The following OSBPL10 variants were observed in gnomAD, a reference collection of about 807,000 sequenced individuals.
The protein encoded by OSBPL10 is oxysterol-binding protein-related protein 10.
Under a neutral mutation model 81.7 loss-of-function variants are expected in OSBPL10, and 49 were observed. The observed-to-expected ratio is 0.60, with a 90% CI of 0.48 to 0.76. The LOEUF (loss-of-function observed/expected upper bound fraction) is 0.76, where lower values mean the gene tolerates loss of function less well. Among genes scored for constraint, OSBPL10 ranks in the 30% least tolerant of loss-of-function variants. The pLI is 0.00. For synonymous variants in OSBPL10, 419 were observed against 383.6 expected (o/e 1.09, Z -1.08); for missense variants, 923 against 987.8 (o/e 0.93, Z 0.88).
intron 4 of OSBPL10, among the ~76,000 whole-genome samples, chr3:31,812,779 A>G (rs992273849): frequency 1.8e-5 from 1 of 54,308 alleles, no homozygotes; most frequent in Non-Finnish European, 3.4e-5. Context: ...AGAAAGAAAG[A>G]AAGAAAGAAA....
At chr3:31,802,766 A>AAG (rs1182200870) in intron 4 of OSBPL10, among the ~76,000 whole-genome samples, 1 of 152,034 alleles carries the variant, frequency 6.6e-6, no homozygotes, top group Non-Finnish European at 1.5e-5. Context: ...AGTGAAATCC[A>AAG]TTAAAAACAA....
intron 2 of OSBPL10, among the ~76,000 whole-genome samples, chr3:32,042,495 G>T (rs1403266864): frequency 6.6e-6 from 1 of 152,174 alleles, no homozygotes; most frequent in Admixed American, 6.5e-5. Flanking sequence ...TCCATGGTCA[G>T]AATGGATCCC....
At chr3:31,857,359 G>A (rs547607569) in intron 3 of OSBPL10, among the ~76,000 whole-genome samples, 1 of 152,172 alleles carries the variant, frequency 6.6e-6, no homozygotes, top group South Asian at 2.1e-4. Context: ...GCAAGAAGAG[G>A]AGCCTAATCT....
intron 3 of OSBPL10, among the ~76,000 whole-genome samples, chr3:31,837,364 TATATATATATAG>T (rs1700383994): frequency 6.6e-5 from 2 of 30,288 alleles, no homozygotes; most frequent in Admixed American, 4.8e-4. Context: ...TATATATATA[TATATATATATAG>T]TAAGTAACAT....
chr3:31,952,637 G>A (rs972628806), intron 1 of OSBPL10, among the ~76,000 whole-genome samples: 2 of 152,188 alleles, frequency 1.3e-5, no homozygotes, highest in Non-Finnish European at 2.9e-5. Context: ...CACACGAAAG[G>A]ATCAGAGGGA....
chr3:32,026,072 TAGATAGATAGATAGATAGATGATA>T (rs1559551477), intron 2 of OSBPL10, among the ~76,000 whole-genome samples: 2 of 105,906 alleles, frequency 1.9e-5, no homozygotes, highest in African/African-American at 5.8e-5. Flanking sequence ...GATAGATAGA[TAGATAGATAGATAGATAGATGATA>T]GATAGATAGA....
chr3:31,739,465 T>C (rs1233067870), intron 5 of OSBPL10, among the ~76,000 whole-genome samples: 3 of 152,086 alleles, frequency 2.0e-5, no homozygotes, highest in Non-Finnish European at 2.9e-5. Flanking sequence ...AATGTGACCA[T>C]ATTTTGAAAA....
intron 2 of OSBPL10, among the ~76,000 whole-genome samples, chr3:32,037,268 T>C (rs1381375675): frequency 1.3e-5 from 2 of 152,214 alleles, no homozygotes; most frequent in African/African-American, 4.8e-5. Context: ...CTGCAGAAGC[T>C]TTCATTTGTT....
chr3:31,776,245 G>GTGCA (rs1271627165), intron 4 of OSBPL10, among the ~76,000 whole-genome samples: 3 of 152,164 alleles, frequency 2.0e-5, no homozygotes, highest in African/African-American at 7.2e-5. Flanking sequence ...CATGAGGGAT[G>GTGCA]TGCAAATCAA....
At chr3:31,875,438 C>T (rs1379933249) in intron 3 of OSBPL10, among the ~76,000 whole-genome samples, 6 of 151,666 alleles carry the variant, frequency 4.0e-5, no homozygotes, top group Non-Finnish European at 8.8e-5. Flanking sequence ...GGGGAAAATG[C>T]TTTAGAATGA....
At chr3:31,685,638 A>G (rs1204753891) in intron 7 of OSBPL10, among the ~76,000 whole-genome samples, 3 of 152,164 alleles carry the variant, frequency 2.0e-5, no homozygotes, top group Admixed American at 6.5e-5. Context: ...CGAGTTGACC[A>G]ATACCATGGG....
intron 4 of OSBPL10, among the ~76,000 whole-genome samples, chr3:31,772,411 G>C (rs1267932791): frequency 1.3e-5 from 2 of 152,234 alleles, no homozygotes; most frequent in Non-Finnish European, 2.9e-5. Flanking sequence ...GGAAATGTAT[G>C]TGTGGGTGTT....
intron 5 of OSBPL10, among the ~76,000 whole-genome samples, chr3:31,737,021 A>T (rs1015105317): frequency 6.6e-5 from 10 of 152,330 alleles, no homozygotes; most frequent in South Asian, 2.1e-4. Context: ...TTATCCAGAT[A>T]TGGCAACTTA....
intron 3 of OSBPL10, among the ~76,000 whole-genome samples, chr3:31,850,181 A>G (rs1700729155): frequency 6.6e-6 from 1 of 152,018 alleles, no homozygotes; most frequent in Non-Finnish European, 1.5e-5. Context: ...AAAAAAATTA[A>G]AAACTAGCTG....
intron 3 of OSBPL10, among the ~76,000 whole-genome samples, chr3:31,855,724 T>C (rs1700893807): frequency 6.6e-6 from 1 of 152,124 alleles, no homozygotes; most frequent in Non-Finnish European, 1.5e-5. Flanking sequence ...AAGCCTTTCC[T>C]CCAATGTTAG....
intron 4 of OSBPL10, chr3:31,795,835 A>C (rs1699198851): frequency 8.1e-6 from 2 of 247,676 alleles, no homozygotes; most frequent in Non-Finnish European, 9.0e-6. Flanking sequence ...GAGAGTTCAC[A>C]CTGGAGAAAG....
At chr3:31,688,350 T>A (rs1425795767) in intron 7 of OSBPL10, among the ~76,000 whole-genome samples, 1 of 150,562 alleles carries the variant, frequency 6.6e-6, no homozygotes, top group Non-Finnish European at 1.5e-5. Context: ...TCTCCTGCCC[T>A]GTCTCTATGA....
At chr3:31,744,042 G>A (rs890027903) in intron 5 of OSBPL10, among the ~76,000 whole-genome samples, 1 of 152,130 alleles carries the variant, frequency 6.6e-6, no homozygotes, top group Non-Finnish European at 1.5e-5. Context: ...TGCTTTTCCT[G>A]CAAGAAGTAA....
intron 1 of OSBPL10, among the ~76,000 whole-genome samples, chr3:31,882,312 A>T (rs1336896261): frequency 6.6e-6 from 1 of 152,168 alleles, no homozygotes; most frequent in Non-Finnish European, 1.5e-5. Flanking sequence ...TAATAACGGT[A>T]TTTCTGGTTC....
Sources: gnomAD v4.1 joint callset for allele counts (sites outside exome capture counted in the v4.1 genomes callset) on GRCh38, gnomAD v4.1.1 for gene constraint, MANE v1.5 for transcripts, NCBI Gene and HGNC (gene_info 2026-07-23, HGNC 2026-07-21) for gene names.